The following NUMB variants were observed in gnomAD, a reference collection of about 807,000 sequenced individuals.
The protein encoded by NUMB is protein numb homolog.
A neutral mutation model predicts 59.7 loss-of-function variants in NUMB; 29 were observed. The ratio of observed to expected loss-of-function variants is 0.49; its 90% CI spans 0.36 to 0.66. The LOEUF (loss-of-function observed/expected upper bound fraction) is 0.66, where lower values mean the gene tolerates loss of function less well. Ranked by LOEUF, NUMB falls within the 30% of genes least tolerant of loss-of-function variation. The pLI, the probability that NUMB is intolerant of heterozygous loss-of-function variation, is 0.00. For missense variants in NUMB, 723 were observed against 822.0 expected (o/e 0.88, Z 1.47); for synonymous variants, 288 against 288.2 (o/e 1.00, Z 0.01).
chr14:73,287,182 A>G lies in NUMB; in HGVS notation c.583T>C (p.Phe195Leu). The G allele has an allele frequency of 6.2e-7, 1 of 1,613,912 alleles. No homozygotes were observed. Among genetic ancestry groups the G allele is most frequent in the East Asian group, 2.2e-5 (1 of 44,848 alleles). ...SRTTFTREGS[F>L]RVTTATEQAE... ...TGTTCAGTGGCTGTTGTGACACGGA[A>G]TGATCCTTCTCTTGTAAAAGTGGTC... Residue 195 changes from phenylalanine to leucine, a missense_variant, in exon 9 of 13, where the codon TTC becomes CTC. Phe to Leu is a conservative substitution (Grantham distance 22, BLOSUM62 0). Around this residue, in one of 2 missense-constraint regions of NUMB, gnomAD observed 317 missense variants for 436.6 expected, o/e 0.73. Transcript: ENST00000555238.
intron 6 of NUMB, among the ~76,000 whole-genome samples, chr14:73,315,018 G>A (rs1375365400): frequency 6.6e-6 from 1 of 151,966 alleles, no homozygotes; most frequent in East Asian, 1.9e-4. Context: ...GACCCAAAAT[G>A]TCTATTAAAA....
intron 6 of NUMB, among the ~76,000 whole-genome samples, chr14:73,302,570 C>G (rs185127882): frequency 7.2e-5 from 11 of 152,070 alleles, no homozygotes; most frequent in Admixed American, 7.2e-4. Context: ...CCACACCCAG[C>G]TAATTTTTTT....
At chr14:73,372,336 T>TATATAA (rs1458864410) in intron 2 of NUMB, among the ~76,000 whole-genome samples, 13 of 87,272 alleles carry the variant, frequency 1.5e-4, no homozygotes, top group Admixed American at 6.1e-4. Flanking sequence ...TATATATATA[T>TATATAA]AACCTTTTAT....
chr14:73,395,763 C>T lies in NUMB; in HGVS notation c.-101+14174G>A, dbSNP rs565096549. The stretch of plus-strand genomic sequence containing the variant: ...GTAGGTATTCATATGTATAGCTACA[C>T]GTGACATTAGGTGTTCTACAGGCAA... On this transcript the variant is annotated intron_variant, in intron 2 of 12. Transcript: ENST00000555238. 4.9e-4 allele frequency among the ~76,000 whole-genome samples: 75 copies of T among 152,280 alleles called. No individual in the cohort carries two copies. In the South Asian group the frequency reaches 5.6e-3, roughly 11 times the overall value.
rs150301864 is a variant in NUMB at position 73,430,367 on chromosome 14, C to T, written c.-232-20299G>A. ...TTTTGGGGCCAGGGGCAGTAGCTCA[C>T]ACCTGTAATCCCAGCACTTTGGGAG... On this transcript the variant is annotated intron_variant, in intron 1 of 12. Coordinates refer to ENST00000555238, the MANE Select transcript of NUMB (RefSeq NM_001005743.2). Among the ~76,000 whole-genome samples the T allele has an allele frequency of 4.1e-3, 625 of 152,218 alleles. 3 individuals are homozygous for T. Among genetic ancestry groups the T allele is most frequent in the African/African-American group, 0.014 (593 of 41,552 alleles).
At chr14:73,294,147 G>A (rs1259751725) in intron 7 of NUMB, among the ~76,000 whole-genome samples, 1 of 152,168 alleles carries the variant, frequency 6.6e-6, no homozygotes, top group Non-Finnish European at 1.5e-5. Context: ...TTATCAGGTA[G>A]CTAATTTGAT....
intron 2 of NUMB, among the ~76,000 whole-genome samples, chr14:73,386,968 C>T (rs888592111): frequency 2.1e-5 from 3 of 143,458 alleles, no homozygotes; most frequent in African/African-American, 7.6e-5. Flanking sequence ...GCAAGCTCCG[C>T]CTCCCGGGTT....
chr14:73,311,528 G>A (rs1377896223), intron 6 of NUMB, among the ~76,000 whole-genome samples: 1 of 152,162 alleles, frequency 6.6e-6, no homozygotes, highest in African/African-American at 2.4e-5. Flanking sequence ...AGCTGGTGAT[G>A]CAACAATAGG....
chr14:73,321,920 G>T (rs1891424902), intron 5 of NUMB, among the ~76,000 whole-genome samples: 1 of 151,896 alleles, frequency 6.6e-6, no homozygotes, highest in Non-Finnish European at 1.5e-5. Flanking sequence ...GACAGATTCA[G>T]GTATTTATCC....
chr14:73,443,391 T>C (rs1229119985), intron 1 of NUMB, among the ~76,000 whole-genome samples: 1 of 149,870 alleles, frequency 6.7e-6, no homozygotes. Context: ...AGGTCAGGAG[T>C]TCCAGACCAG....
intron 2 of NUMB, among the ~76,000 whole-genome samples, chr14:73,376,529 G>GAAA: frequency 7.1e-6 from 1 of 141,418 alleles, no homozygotes; most frequent in South Asian, 2.2e-4. Flanking sequence ...AGTTTATATG[G>GAAA]AAAAAAAAAA....
intron 1 of NUMB, among the ~76,000 whole-genome samples, chr14:73,419,054 C>T (rs1002155723): frequency 6.6e-6 from 1 of 152,110 alleles, no homozygotes; most frequent in African/African-American, 2.4e-5. Context: ...AAACTTGGAG[C>T]TTCTTTGCAT....
intron 2 of NUMB, among the ~76,000 whole-genome samples, chr14:73,400,787 T>A: frequency 6.6e-6 from 1 of 152,234 alleles, no homozygotes; most frequent in East Asian, 1.9e-4. Flanking sequence ...TCCGGATAGA[T>A]GAACACTTGG....
In NUMB at chr14:73,396,034, ATTTT is replaced by A. The variant is rs906381803; in HGVS notation, c.-101+13899_-101+13902del. 3.9e-5 allele frequency among the ~76,000 whole-genome samples: 6 copies of A among 152,046 alleles called. No individual in the cohort carries two copies. The South Asian group carries it at 1.0e-3, about 26-fold the overall frequency. ...AACTAACATAGTCTTTTTTATTTTT[ATTTT>A]TTTTATTTTTTAGAGACAGGCACAT... On this transcript the variant is annotated intron_variant, in intron 2 of 12. Transcript: ENST00000555238.
intron 1 of NUMB, among the ~76,000 whole-genome samples, chr14:73,431,051 A>G (rs1897805152): frequency 6.8e-6 from 1 of 147,804 alleles, no homozygotes. Context: ...CTCTGCCTCC[A>G]GGCTCAAGCA....
intron 4 of NUMB, 80 bp from the exon 5 acceptor site, chr14:73,323,284 A>G: frequency 1.1e-6 from 1 of 947,686 alleles, no homozygotes; most frequent in South Asian, 1.5e-5. Context: ...GTGAAAATTG[A>G]ATACAGGTTG....
chr14:73,396,391 G>A (rs543321838), intron 2 of NUMB, among the ~76,000 whole-genome samples: 22 of 150,572 alleles, frequency 1.5e-4, no homozygotes, highest in Admixed American at 9.3e-4. Flanking sequence ...TCTGTGGCCC[G>A]AGCTGGAGTA....
At chr14:73,312,033 C>G (rs538163856) in intron 6 of NUMB, among the ~76,000 whole-genome samples, 1 of 152,224 alleles carries the variant, frequency 6.6e-6, no homozygotes, top group Non-Finnish European at 1.5e-5. Flanking sequence ...CTTTAAATGA[C>G]TCACTGTAAA....
At chr14:73,383,450 G>A (rs988460068) in intron 2 of NUMB, among the ~76,000 whole-genome samples, 2 of 152,030 alleles carry the variant, frequency 1.3e-5, no homozygotes, top group African/African-American at 4.8e-5. Context: ...GAAAAAGATA[G>A]AAAATACAGA....
Sources: gnomAD v4.1 joint callset for allele counts (sites outside exome capture counted in the v4.1 genomes callset) on GRCh38, gnomAD v4.1.1 for gene constraint, gnomAD v4.1.1 regional missense constraint, MANE v1.5 for transcripts, NCBI Gene and HGNC (gene_info 2026-07-23, HGNC 2026-07-21) for gene names.